MED25: variants seen among roughly 807,000 people sequenced by gnomAD.
The protein encoded by MED25 is mediator of RNA polymerase II transcription subunit 25.
MED25 carries 62 observed loss-of-function variants against 89.4 expected under a neutral mutation model. That is an observed-to-expected ratio of 0.69 (90% CI 0.57 to 0.86). The LOEUF is 0.86. Ranked by LOEUF, MED25 falls within the 40% of genes least tolerant of loss-of-function variation. The pLI, the probability that MED25 is intolerant of heterozygous loss-of-function variation, is 0.00. For missense variants in MED25, 905 were observed against 1,005.2 expected, an observed-to-expected ratio of 0.90 and a Z score of 1.35; for synonymous variants, 449 against 427.9, an observed-to-expected ratio of 1.05 and a Z score of -0.61.
chr19:49,829,260 A>G lies in MED25; in HGVS notation c.525+170A>G, dbSNP rs549641592. 1.8e-4 allele frequency among the ~76,000 whole-genome samples: 27 copies of G among 152,134 alleles called. No individual in the cohort carries two copies. The highest frequency in any genetic ancestry group is 6.3e-4 in the African/African-American group (26 of 41,536). The stretch of plus-strand genomic sequence containing the variant: ...GGGGGCCTGGACTCAGACACAGAAT[A>G]GTCACAGACTGGTGACCAGCTTTGC... On this transcript the variant is annotated intron_variant, in intron 5 of 17. Transcript: ENST00000312865. This position sits in a 1 kb window ranked among gnomAD's most constrained non-coding sequence, Gnocchi z 4.6.
At chr19:49,820,419 A>G (rs2073974150) in intron 3 of MED25, among the ~76,000 whole-genome samples, 1 of 152,246 alleles carries the variant, frequency 6.6e-6, no homozygotes, top group Non-Finnish European at 1.5e-5. Context: ...TCCCTTATCT[A>G]GGTTAGCCTA....
Position 49,818,307 on chromosome 19 carries a change from C to CGGCTGCAGTG in MED25, c.-33_-24dup. 6.4e-7 allele frequency: 1 copy of CGGCTGCAGTG among 1,560,664 alleles called. No homozygotes were observed. The highest frequency in any genetic ancestry group is 8.7e-7 in the Non-Finnish European group (1 of 1,152,102). ...TCTGCTCATTCCGCGGCGTCGGCTGCGGCTGCAGTGGTGGTGGCGGGTACC... is the reference window on the plus strand; with the variant it reads ...TCTGCTCATTCCGCGGCGTCGGCTGCGGCTGCAGTGGGCTGCAGTGGTGGTGGCGGGTACC... On this transcript the variant is annotated 5_prime_UTR_variant, in exon 1 of 18. Coordinates refer to ENST00000312865, the MANE Select transcript of MED25 (RefSeq NM_030973.4).
rs1291484780 is a variant in MED25, at chr19:49,822,040, G to A, written c.305+2744G>A. 3.4e-4 allele frequency among the ~76,000 whole-genome samples: 52 copies of A among 151,322 alleles called. 3 individuals are homozygous for A. Among genetic ancestry groups the A allele is most frequent in the African/African-American group, 1.1e-3 (46 of 40,946 alleles). On this transcript the variant is annotated intron_variant, in intron 3 of 17. Transcript: ENST00000312865. ...GCACTTTGGGAGGCTGAGGCGGGTG[G>A]ATGATGAGGTCAGGAGATGGAGACC...
Position 49,829,860 on chromosome 19 carries a change from C to G in MED25, c.600C>G (p.Pro200=), listed in dbSNP as rs753910880. ...GGCTTCTGTTTGAGAAGGCAGCCCC[C>G]CCGGCCTTGCTGGAGCCGCTGCAGC... The part of the protein sequence containing the change: ...ALRLLFEKAA[P]PALLEPLQPP... Residue 200 remains proline (P), a synonymous_variant, in exon 6 of 18, where the codon CCC becomes CCG. Coordinates refer to ENST00000312865, the MANE Select transcript of MED25 (RefSeq NM_030973.4). The surrounding 1 kb of genome is among the most constrained non-coding windows in gnomAD (Gnocchi z 4.6). 1.1e-5 allele frequency: 17 copies of G among 1,612,762 alleles called. No homozygotes were observed. Among genetic ancestry groups the G allele is most frequent in the Admixed American group, 8.3e-5 (5 of 59,888 alleles).
Position 49,830,041 on chromosome 19 carries a change from A to T in MED25, c.689-47A>T. 6.3e-7 allele frequency: 1 copy of T among 1,597,850 alleles called. No individual in the cohort carries two copies. Among genetic ancestry groups the T allele is most frequent in the South Asian group, 1.1e-5 (1 of 90,410 alleles). On this transcript the variant is annotated intron_variant, in intron 6 of 17. Transcript: ENST00000312865. This position sits in a 1 kb window ranked among gnomAD's most constrained non-coding sequence, Gnocchi z 4.6. Reference sequence around the variant, plus strand: ...TTTTGGATTTCTCTCCTTTCTCTGCATCTTGAATCCCTTCTCTCTGGGGTT... The same window carrying T: ...TTTTGGATTTCTCTCCTTTCTCTGCTTCTTGAATCCCTTCTCTCTGGGGTT...
intron 13 of MED25, among the ~76,000 whole-genome samples, chr19:49,832,634 A>G (rs2074066959): frequency 2.0e-5 from 3 of 152,130 alleles, no homozygotes; most frequent in Admixed American, 2.0e-4. Context: ...TAAAAATGTG[A>G]GCTGGATGTG....
chr19:49,822,637 ATTCT>A (rs2073991018), intron 3 of MED25, among the ~76,000 whole-genome samples: 1 of 123,512 alleles, frequency 8.1e-6, no homozygotes, highest in African/African-American at 3.1e-5. Context: ...TTTCTGTTAC[ATTCT>A]TTTTTTTTTT....
In MED25 at chr19:49,828,973, C is replaced by T. The variant is rs1305023520; in HGVS notation, c.408C>T (p.Gly136=). 2 of 1,614,014 alleles carry T rather than the reference C, an allele frequency of 1.2e-6. No individual in the cohort carries two copies. The highest frequency in any genetic ancestry group is 8.5e-7 in the Non-Finnish European group (1 of 1,179,984). Residue 136 remains glycine (G), a synonymous_variant, in exon 5 of 18, where the codon GGC becomes GGT. Transcript: ENST00000312865. ...DDFKKMREQI[G]QTHRVCLLIC... ...TGTCTTCTCTCTTTCCTGGTAGTGGCCAGACGCACCGGGTCTGCCTCCTCA... is the reference window on the plus strand; with the variant it reads ...TGTCTTCTCTCTTTCCTGGTAGTGGTCAGACGCACCGGGTCTGCCTCCTCA...
chr19:49,825,391 C>T (rs950413421), intron 3 of MED25, among the ~76,000 whole-genome samples: 5 of 152,072 alleles, frequency 3.3e-5, no homozygotes, highest in East Asian at 2.0e-4. Flanking sequence ...TGGGATTACA[C>T]GTACCCACCA....
chr19:49,824,582 C>CT (rs2074003374), intron 3 of MED25, among the ~76,000 whole-genome samples: 1 of 142,290 alleles, frequency 7.0e-6, no homozygotes, highest in Non-Finnish European at 1.5e-5. Flanking sequence ...GAGACCCTGT[C>CT]TCGGGAAAAA....
At chr19:49,832,209 GTC>G (rs1254524032) in intron 12 of MED25, 52 bp downstream of exon 12, 12 of 1,596,380 alleles carry the variant, frequency 7.5e-6, no homozygotes, top group Non-Finnish European at 1.0e-5. Context: ...TCACCCTGCT[GTC>G]TCTTTCCTGT....
Position 49,836,004 on chromosome 19 carries a change from C to T in MED25, c.1965+59C>T, listed in dbSNP as rs1402721285. ...GATCCTGGCCCTGGTGGTTCTGGTCCTGTTGTCTGGGAGGAGGGAGGTTGA... is the reference window on the plus strand; with the variant it reads ...GATCCTGGCCCTGGTGGTTCTGGTCTTGTTGTCTGGGAGGAGGGAGGTTGA... On this transcript the variant is annotated intron_variant, in intron 16 of 17. Transcript: ENST00000312865. This position sits in a 1 kb window ranked among gnomAD's most constrained non-coding sequence, Gnocchi z 5.1. The T allele has an allele frequency of 3.1e-6, 5 of 1,592,956 alleles. No homozygotes were observed. In the African/African-American group the frequency reaches 6.7e-5, roughly 21 times the overall value.
chr19:49,821,816 CAAAAAAAAAA>C (rs35798804), intron 3 of MED25, among the ~76,000 whole-genome samples: 18 of 84,134 alleles, frequency 2.1e-4, no homozygotes. Flanking sequence ...AATTCTGTCT[CAAAAAAAAAA>C]AAAAAAAAAA....
chr19:49,828,636 C>T (rs781007067), intron 4 of MED25, 89 bp downstream of exon 4: 95 of 1,124,986 alleles, frequency 8.4e-5, no homozygotes, highest in Non-Finnish European at 1.2e-4. Context: ...CCTCCAGCCT[C>T]ACCCTGTAGG....
chr19:49,835,882 C>T lies in MED25; in HGVS notation c.1902C>T (p.Ile634=). The change falls in exon 16 of 18, where the codon ATC becomes ATT. Residue 634 remains isoleucine, a synonymous_variant. Coordinates refer to ENST00000312865, the MANE Select transcript of MED25 (RefSeq NM_030973.4). The surrounding 1 kb of genome is among the most constrained non-coding windows in gnomAD (Gnocchi z 6.2). ...CTGGCCCACCCCCTCCTGGACCCATCCTTCGGCCCCAGAACCCTGGGGCCA... is the reference window on the plus strand; with the variant it reads ...CTGGCCCACCCCCTCCTGGACCCATTCTTCGGCCCCAGAACCCTGGGGCCA... The part of the protein sequence containing the change: ...AASGPPPPGP[I]LRPQNPGANP... 2 of 1,612,782 alleles carry T rather than the reference C, an allele frequency of 1.2e-6. No homozygotes were observed. Among genetic ancestry groups the T allele is most frequent in the South Asian group, 1.1e-5 (1 of 91,076 alleles).
chr19:49,836,262 C>T lies in MED25; in HGVS notation c.2002C>T (p.His668Tyr). 1 of 1,612,540 alleles carries T rather than the reference C, an allele frequency of 6.2e-7. No homozygotes were observed. Among genetic ancestry groups the T allele is most frequent in the Non-Finnish European group, 8.5e-7 (1 of 1,179,810 alleles). The change falls in exon 17 of 18, where the codon CAC becomes TAC. Residue 668 changes from histidine (H) to tyrosine (Y), a missense_variant. By Grantham distance (83) the His-to-Tyr change is moderately conservative. Transcript: ENST00000312865. The surrounding 1 kb of genome is among the most constrained non-coding windows in gnomAD (Gnocchi z 5.1). ...GGTGCCCCCACCCCAGGCCTCCCTC[C>T]ACCACCTCCAGCCACCAGGGGCTCC... ...TGVPPPQASL[H>Y]HLQPPGAPAL...
chr19:49,828,140 A>G (rs1026878583), intron 3 of MED25, among the ~76,000 whole-genome samples: 2 of 151,956 alleles, frequency 1.3e-5, no homozygotes, highest in Non-Finnish European at 1.5e-5. Context: ...GAGGCAGGAG[A>G]ATGGCATGAA....
downstream of MED25, among the ~76,000 whole-genome samples, chr19:49,837,292 G>A (rs1245484819): frequency 3.3e-5 from 5 of 152,282 alleles, no homozygotes; most frequent in African/African-American, 1.2e-4. Flanking sequence ...GGGAGGGAAG[G>A]AGGTGAGGGG....
chr19:49,825,212 T>G (rs2074008261), intron 3 of MED25, among the ~76,000 whole-genome samples: 1 of 152,118 alleles, frequency 6.6e-6, no homozygotes, highest in South Asian at 2.1e-4. Context: ...CATCTCAAAC[T>G]GGTTAGTTTA....
Sources: gnomAD v4.1 joint callset for allele counts (sites outside exome capture counted in the v4.1 genomes callset) on GRCh38, gnomAD v4.1.1 for gene constraint, Gnocchi (gnomAD v3.1) non-coding constraint, MANE v1.5 for transcripts, NCBI Gene and HGNC (gene_info 2026-07-23, HGNC 2026-07-21) for gene names.